CAPN15: variants seen among roughly 807,000 people sequenced by gnomAD.
The protein encoded by CAPN15 is calpain 15.
CAPN15 carries 53 observed loss-of-function variants against 97.9 expected under a neutral mutation model. That is an observed-to-expected ratio of 0.54 (90% CI 0.43 to 0.68). CAPN15 has a LOEUF of 0.68. Ranked by LOEUF, CAPN15 falls within the 30% of genes least tolerant of loss-of-function variation. CAPN15 has a pLI of 0.00. For missense variants in CAPN15, 1,592 were observed against 1,589.8 expected (o/e 1.00, Z -0.02); for synonymous variants, 922 against 722.5 (o/e 1.28, Z -4.43).
intron 2 of CAPN15, among the ~76,000 whole-genome samples, chr16:534,484 G>C (rs535798551): frequency 8.0e-4 from 122 of 152,304 alleles, no homozygotes; most frequent in Non-Finnish European, 1.5e-3. Flanking sequence ...GCGGGGCCCT[G>C]GCCTTGTTTC....
Position 552,916 on chromosome 16 carries a change from C to G in CAPN15, c.2958C>G (p.Ile986Met), listed in dbSNP as rs777794125. The change falls in exon 13 of 14, where the codon ATC becomes ATG. Residue 986 changes from isoleucine (I) to methionine (M), a missense_variant. Around this residue, in one of 3 missense-constraint regions of CAPN15, gnomAD observed 644 missense variants for 699.6 expected, o/e 0.92. Coordinates refer to ENST00000219611, the MANE Select transcript of CAPN15 (RefSeq NM_005632.3). This position sits in a 1 kb window ranked among gnomAD's most constrained non-coding sequence, Gnocchi z 6.4. ...YYLTHGWAGL[I>M]VVVENRHPKA... ...TGACACACGGTTGGGCGGGGCTCAT[C>G]GTGGTGGTGGAGAACCGACACCCCA... 1.9e-6 allele frequency: 3 copies of G among 1,611,454 alleles called. No individual in the cohort carries two copies. Among genetic ancestry groups the G allele is most frequent in the East Asian group, 2.2e-5 (1 of 44,852 alleles).
At chr16:551,727 G>T (rs551968838) in intron 9 of CAPN15, 63 bp downstream of exon 9, 1 of 1,569,242 alleles carries the variant, frequency 6.4e-7, no homozygotes, top group Admixed American at 1.7e-5. Context: ...GTCCTTCTCT[G>T]GAGAACAAGC....
Position 547,844 on chromosome 16 carries a change from C to G in CAPN15, c.1006C>G (p.Pro336Ala). 1 of 1,610,950 alleles carries G rather than the reference C, an allele frequency of 6.2e-7. No individual in the cohort carries two copies. The highest frequency in any genetic ancestry group is 8.5e-7 in the Non-Finnish European group (1 of 1,179,138). ...GDTVRYTPAS[P>A]SSPDFTTWSC... ...CACCGTGCGTTACACGCCCGCCAGCCCCTCCAGCCCCGACTTCACCACCTG... is the reference window on the plus strand; with the variant it reads ...CACCGTGCGTTACACGCCCGCCAGCGCCTCCAGCCCCGACTTCACCACCTG... The change falls in exon 4 of 14, where the codon CCC (proline) becomes GCC (alanine). Residue 336 changes from proline (P) to alanine (A), a missense_variant. Coordinates refer to ENST00000219611, the MANE Select transcript of CAPN15 (RefSeq NM_005632.3).
In CAPN15 at chr16:547,618, T is replaced by C; in HGVS notation, c.780T>C (p.Pro260=). ...CCCCCCAGCTGCAGCCACCGGTGCCTGAGGCTGCCCAGCCGTCACCCTCTG... is the reference window on the plus strand; with the variant it reads ...CCCCCCAGCTGCAGCCACCGGTGCCCGAGGCTGCCCAGCCGTCACCCTCTG... ...EVPPQLQPPV[P]EAAQPSPSAG... is the part of the protein sequence containing the mutation. Residue 260 remains proline, a synonymous_variant, in exon 4 of 14, where the codon CCT becomes CCC. Transcript: ENST00000219611. 2 of 1,570,602 alleles carry C rather than the reference T, an allele frequency of 1.3e-6. No individual in the cohort carries two copies. The highest frequency in any genetic ancestry group is 1.1e-5 in the South Asian group (1 of 88,294).
At chr16:542,979 A>AGGC (rs1414911467) in intron 3 of CAPN15, among the ~76,000 whole-genome samples, 6 of 150,392 alleles carry the variant, frequency 4.0e-5, no homozygotes, top group African/African-American at 1.5e-4. Context: ...TGAACTTGGG[A>AGGC]GGCGGAGGTT....
At chr16:539,515 C>T (rs1274706644) in intron 3 of CAPN15, 1 of 152,310 alleles carries the variant, frequency 6.6e-6, no homozygotes, top group Non-Finnish European at 1.5e-5. Context: ...TCTCCCAGGC[C>T]TCCCAGCAGG....
In CAPN15 at chr16:554,474, G is replaced by A. The variant is rs868502860; in HGVS notation, c.*958G>A. 145 of 454,624 alleles carry A rather than the reference G, an allele frequency of 3.2e-4. 3 individuals are homozygous for A. Among genetic ancestry groups the A allele is most frequent in the South Asian group, 2.1e-3 (134 of 64,492 alleles). 28.2% of individuals were successfully genotyped at this position (454,624 alleles called of 1,614,324 possible). A position where few individuals can be genotyped will look rare whatever the true frequency, so the allele number is the denominator to read the frequency against. ...ATTCCCACTCCCCTTTGGCCTCCCT[G>A]TACTCTGAGCTGTGAATATTTTTAA... On this transcript the variant is annotated 3_prime_UTR_variant, in exon 14 of 14. Coordinates refer to ENST00000219611, the MANE Select transcript of CAPN15 (RefSeq NM_005632.3).
rs569867105 is a variant in CAPN15 at position 530,164 on chromosome 16, C to T, written c.-190+2135C>T. Among the ~76,000 whole-genome samples the T allele has an allele frequency of 2.6e-5, 4 of 152,324 alleles. No homozygotes were observed. In the East Asian group the frequency reaches 7.7e-4, roughly 29 times the overall value. On this transcript the variant is annotated intron_variant, in intron 1 of 13. Coordinates refer to ENST00000219611, the MANE Select transcript of CAPN15 (RefSeq NM_005632.3). ...GCTGGAGAGAACGCTGAGGTCTGTG[C>T]GGTTCTCATGTGACCCTGTAGCTGG... is the stretch of plus-strand genomic sequence containing the variant.
chr16:537,258 A>C, intron 3 of CAPN15: 2 of 985,528 alleles, frequency 2.0e-6, no homozygotes, highest in Non-Finnish European at 2.4e-6. Flanking sequence ...GCTCCAGCTC[A>C]AGAAAGGTTT....
intron 3 of CAPN15, among the ~76,000 whole-genome samples, chr16:540,593 G>A (rs531388744): frequency 3.2e-4 from 48 of 152,340 alleles, no homozygotes; most frequent in African/African-American, 1.1e-3. Context: ...GCCCAATCCC[G>A]GCGGCCCTGT....
At chr16:541,697 C>T (rs888226697) in intron 3 of CAPN15, among the ~76,000 whole-genome samples, 2 of 152,240 alleles carry the variant, frequency 1.3e-5, no homozygotes, top group East Asian at 1.9e-4. Flanking sequence ...TGCAATCCAG[C>T]GTTGCAGCAT....
At chr16:533,446 G>A (rs1029559924) in intron 1 of CAPN15, among the ~76,000 whole-genome samples, 1 of 152,144 alleles carries the variant, frequency 6.6e-6, no homozygotes, top group Non-Finnish European at 1.5e-5. Context: ...GGTGGCACTC[G>A]GGCTGGGGTC....
intron 7 of CAPN15, among the ~76,000 whole-genome samples, chr16:550,476 G>C (rs1315680331): frequency 6.6e-6 from 1 of 152,252 alleles, no homozygotes; most frequent in East Asian, 1.9e-4. Context: ...ACAGGCAGGA[G>C]TGGGCCCTTC....
rs1194418218 is a variant in CAPN15, at chr16:553,462, C to T, written c.3207C>T (p.His1069=). 1.2e-6 allele frequency: 2 copies of T among 1,611,468 alleles called. No individual in the cohort carries two copies. The highest frequency in any genetic ancestry group is 1.7e-6 in the Non-Finnish European group (2 of 1,179,324). Residue 1069 remains histidine, a synonymous_variant, in exon 14 of 14, where the codon CAC becomes CAT. Transcript: ENST00000219611. ...ACTGGACAGCCTCCAAGGGGACCCA[C>T]AGCCCCCCACTCACGCCAGAGGTCG... ...LSDWTASKGT[H]SPPLTPEVAG...
Position 553,485 on chromosome 16 carries a change from T to TA in CAPN15, c.3230_3231insA (p.Ala1078ArgfsTer40). The TA allele has an allele frequency of 6.2e-7, 1 of 1,605,934 alleles. No individual in the cohort carries two copies. Among genetic ancestry groups the TA allele is most frequent in the East Asian group, 2.3e-5 (1 of 44,440 alleles). On this transcript the variant is annotated frameshift_variant, in exon 14 of 14. Coordinates refer to ENST00000219611, the MANE Select transcript of CAPN15 (RefSeq NM_005632.3). LOFTEE classifies it high-confidence loss of function. ...CACAGCCCCCCACTCACGCCAGAGG[T>TA]CGCCGGTCTGCATGGGCCCCGACCG...
chr16:550,648 CCT>C (rs1243214102), intron 7 of CAPN15, among the ~76,000 whole-genome samples: 47 of 152,088 alleles, frequency 3.1e-4, no homozygotes, highest in Admixed American at 2.7e-3. Flanking sequence ...GTGAGGGTTC[CCT>C]GTCGGTGAGG....
chr16:551,472 C>T lies in CAPN15; in HGVS notation c.2193-40C>T, dbSNP rs191662217. On this transcript the variant is annotated intron_variant, in intron 8 of 13. Coordinates refer to ENST00000219611, the MANE Select transcript of CAPN15 (RefSeq NM_005632.3). ...GGGTGGGTGGGGTGCCGGTGAGACT[C>T]GGGCAGTGTGGTTCAGATCCTCACC... The T allele has an allele frequency of 1.3e-3, 2,070 of 1,600,726 alleles. 18 individuals carry two copies. The highest frequency in any genetic ancestry group is 5.1e-3 in the East Asian group (226 of 44,470).
At chr16:533,041 T>C (rs772807061) in intron 1 of CAPN15, among the ~76,000 whole-genome samples, 2 of 151,152 alleles carry the variant, frequency 1.3e-5, no homozygotes, top group Non-Finnish European at 2.9e-5. Context: ...ACCAACATGG[T>C]GAAACCTCGT....
chr16:532,077 TA>T (rs1468639218), intron 1 of CAPN15, among the ~76,000 whole-genome samples: 2 of 151,680 alleles, frequency 1.3e-5, no homozygotes, highest in Non-Finnish European at 2.9e-5. Context: ...CCATCTCTAC[TA>T]AAAATAAAAA....
Sources: allele counts gnomAD v4.1 joint callset (sites outside exome capture counted in the v4.1 genomes callset), GRCh38; gene constraint gnomAD v4.1.1; regional missense constraint gnomAD v4.1.1; non-coding constraint Gnocchi (gnomAD v3.1); transcripts MANE v1.5; gene names NCBI Gene and HGNC (gene_info 2026-07-23, HGNC 2026-07-21).